NTSR1: variants seen among roughly 807,000 people sequenced by gnomAD.
The protein encoded by NTSR1 is neurotensin receptor 1.
NTSR1 carries 29 observed loss-of-function variants against 31.2 expected under a neutral mutation model. The observed-to-expected ratio is 0.93, with a 90% CI of 0.69 to 1.27. The LOEUF (loss-of-function observed/expected upper bound fraction) is 1.27, where lower values mean the gene tolerates loss of function less well. Ranked by LOEUF, NTSR1 falls within the 50% of genes most tolerant of loss-of-function variation. The pLI, the probability that NTSR1 is intolerant of heterozygous loss-of-function variation, is 0.00. For missense variants in NTSR1, 697 were observed against 595.4 expected (o/e 1.17, Z -1.78); for synonymous variants, 282 against 269.9 (o/e 1.04, Z -0.44).
At chr20:62,757,294 C>T (rs953034296) in intron 2 of NTSR1, among the ~76,000 whole-genome samples, 1 of 152,130 alleles carries the variant, frequency 6.6e-6, no homozygotes, top group Non-Finnish European at 1.5e-5. Context: ...GTGGATGTCC[C>T]GTTTTCCTAA....
chr20:62,729,117 C>A (rs1323665223), intron 1 of NTSR1, among the ~76,000 whole-genome samples: 1 of 152,252 alleles, frequency 6.6e-6, no homozygotes, highest in South Asian at 2.1e-4. Context: ...GACACACTTA[C>A]TCACGGCATG....
chr20:62,716,822 G>A (rs557420539), intron 1 of NTSR1, among the ~76,000 whole-genome samples: 59 of 152,358 alleles, frequency 3.9e-4, no homozygotes, highest in African/African-American at 1.4e-3. Context: ...GCTCTGCAAG[G>A]GGGGCACGGA....
At position 62,749,257 on chromosome 20, in the gene NTSR1, C is replaced by T. The variant is rs1441996339; in HGVS notation, c.715-5428C>T. Among the ~76,000 whole-genome samples, 9 of 152,110 alleles carry T rather than the reference C, an allele frequency of 5.9e-5. No homozygotes were observed. In the East Asian group the frequency reaches 7.8e-4, roughly 13 times the overall value. On this transcript the variant is annotated intron_variant, in intron 1 of 3. Transcript: ENST00000370501. ...GAGATCGAGACCATCCTGGCTAACA[C>T]GGTGAAACCCCGTCTCTACTAAAAA...
chr20:62,709,235 A>AC lies in NTSR1; in HGVS notation c.32dup (p.Thr13HisfsTer320), dbSNP rs779602162. On this transcript the variant is annotated frameshift_variant, in exon 1 of 4. Coordinates refer to ENST00000370501, the MANE Select transcript of NTSR1 (RefSeq NM_002531.3). LOFTEE classifies it high-confidence loss of function. Reference sequence around the variant, plus strand: ...GCGCCTCAACAGCTCCGCGCCGGGAACCCCGGGCACGCCGGCCGCCGACCC... The same window carrying AC: ...GCGCCTCAACAGCTCCGCGCCGGGAACCCCCGGGCACGCCGGCCGCCGACCC... 8 of 1,495,918 alleles carry AC rather than the reference A, an allele frequency of 5.3e-6. No homozygotes were observed. In the East Asian group the frequency reaches 1.5e-4, roughly 28 times the overall value. 92.7% of individuals were successfully genotyped at this position (1,495,918 alleles called of 1,614,324 possible). A position where few individuals can be genotyped will look rare whatever the true frequency, so the allele number is the denominator to read the frequency against.
chr20:62,749,052 A>C (rs1046734765), intron 1 of NTSR1, among the ~76,000 whole-genome samples: 4 of 152,216 alleles, frequency 2.6e-5, no homozygotes, highest in African/African-American at 9.7e-5. Context: ...CATAAGCAAC[A>C]TAAAATGGAC....
intron 3 of NTSR1, 110 bp from the exon 4 acceptor site, chr20:62,759,908 A>T: frequency 1.9e-6 from 2 of 1,054,030 alleles, no homozygotes; most frequent in Non-Finnish European, 2.8e-6. Context: ...GGGTGTTTTA[A>T]TTAGCGTCTG....
intron 1 of NTSR1, among the ~76,000 whole-genome samples, chr20:62,746,209 C>T (rs116915649): frequency 5.9e-5 from 9 of 152,162 alleles, no homozygotes; most frequent in Non-Finnish European, 1.0e-4. Context: ...GTTCTCACCC[C>T]CTGAGTTCTC....
At chr20:62,734,074 G>A (rs956576761) in intron 1 of NTSR1, among the ~76,000 whole-genome samples, 3 of 152,048 alleles carry the variant, frequency 2.0e-5, no homozygotes, top group Non-Finnish European at 4.4e-5. Flanking sequence ...TGGGGCCGGC[G>A]GCAGGTTTGC....
rs751701747 is a variant in NTSR1, at chr20:62,758,329, G to C, written c.980G>C (p.Cys327Ser). The C allele has an allele frequency of 4.3e-6, 7 of 1,613,666 alleles. No individual in the cohort carries two copies. Among genetic ancestry groups the C allele is most frequent in the Admixed American group, 1.7e-5 (1 of 60,000 alleles). Residue 327 changes from cysteine (C) to serine (S), a missense_variant, in exon 3 of 4, where the codon TGC becomes TCC. Transcript: ENST00000370501. The surrounding 1 kb of genome is among the most constrained non-coding windows in gnomAD (Gnocchi z 4.5). Reference protein sequence around the residue: ...LPYHVRRLMFCYISDEQWTPF... With the variant: ...LPYHVRRLMFSYISDEQWTPF... ...TACCACGTGCGGCGCCTCATGTTCT[G>C]CTACATCTCGGATGAGCAGTGGACT...
rs1462329134 is a variant in NTSR1, at chr20:62,715,683, A to G, written c.714+5762A>G. ...ACTGACAGCATTCTGAGGATGTTCA[A>G]CTCCAAGGACAAATGGGGTCCTGGG... On this transcript the variant is annotated intron_variant, in intron 1 of 3. Transcript: ENST00000370501. The surrounding 1 kb of genome is among the most constrained non-coding windows in gnomAD (Gnocchi z 4.7). Among the ~76,000 whole-genome samples the G allele has an allele frequency of 6.6e-6, 1 of 152,066 alleles. No homozygotes were observed. Among genetic ancestry groups the G allele is most frequent in the East Asian group, 1.9e-4 (1 of 5,170 alleles).
rs1189100312 is a variant in NTSR1 at position 62,709,231 on chromosome 20, G to C, written c.24G>C (p.Pro8=). 18 of 1,490,294 alleles carry C rather than the reference G, an allele frequency of 1.2e-5. No individual in the cohort carries two copies. Among genetic ancestry groups the C allele is most frequent in the African/African-American group, 5.7e-5 (4 of 70,480 alleles). 92.3% of individuals were successfully genotyped at this position (1,490,294 alleles called of 1,614,324 possible). A position where few individuals can be genotyped will look rare whatever the true frequency, so the allele number is the denominator to read the frequency against. ...CCATGCGCCTCAACAGCTCCGCGCC[G>C]GGAACCCCGGGCACGCCGGCCGCCG... The part of the protein sequence containing the change: MRLNSSA[P]GTPGTPAADP... The change falls in exon 1 of 4, where the codon CCG becomes CCC. Residue 8 remains proline (P), a synonymous_variant. Transcript: ENST00000370501.
rs915596792 is a variant in NTSR1 at position 62,715,183 on chromosome 20, A to G, written c.714+5262A>G. 1.3e-5 allele frequency among the ~76,000 whole-genome samples: 2 copies of G among 152,174 alleles called. No individual in the cohort carries two copies. Among genetic ancestry groups the G allele is most frequent in the African/African-American group, 4.8e-5 (2 of 41,436 alleles). Reference sequence around the variant, plus strand: ...GGAAATAAAGAATTTGGCGTATGAAATCACCGTTCAGATGGTGACTCTGAG... The same window carrying G: ...GGAAATAAAGAATTTGGCGTATGAAGTCACCGTTCAGATGGTGACTCTGAG... On this transcript the variant is annotated intron_variant, in intron 1 of 3. Transcript: ENST00000370501. This position sits in a 1 kb window ranked among gnomAD's most constrained non-coding sequence, Gnocchi z 4.7.
chr20:62,721,906 G>A (rs1988832319), intron 1 of NTSR1, among the ~76,000 whole-genome samples: 1 of 152,154 alleles, frequency 6.6e-6, no homozygotes. Context: ...CCTCTGAGTG[G>A]ACTCTGAGTG....
intron 1 of NTSR1, among the ~76,000 whole-genome samples, chr20:62,734,275 C>G (rs1464612641): frequency 6.7e-6 from 1 of 150,278 alleles, no homozygotes; most frequent in African/African-American, 2.5e-5. Flanking sequence ...CTGGAGCCTT[C>G]TCTGGAGTGT....
chr20:62,755,156 CCCTT>C (rs1448153483), intron 2 of NTSR1, among the ~76,000 whole-genome samples: 1 of 139,664 alleles, frequency 7.2e-6, no homozygotes, highest in Non-Finnish European at 1.6e-5. Context: ...ATCCATCCAT[CCCTT>C]CCTCCTTCTA....
chr20:62,752,334 C>CAAA, intron 1 of NTSR1, among the ~76,000 whole-genome samples: 1 of 152,320 alleles, frequency 6.6e-6, no homozygotes, highest in Non-Finnish European at 1.5e-5. Flanking sequence ...GAAAGGACGG[C>CAAA]GCAAGCCAAA....
rs1262573325 is a variant in NTSR1, at chr20:62,758,707, C to T, written c.1007+351C>T. ...GGCAGCTGTCAGAGCCCCAAGGCCA[C>T]CCAGGTTGGACCCACAGGGCTCAGC... On this transcript the variant is annotated intron_variant, in intron 3 of 3. Transcript: ENST00000370501. The surrounding 1 kb of genome is among the most constrained non-coding windows in gnomAD (Gnocchi z 4.5). 6.6e-6 allele frequency among the ~76,000 whole-genome samples: 1 copy of T among 152,152 alleles called. No homozygotes were observed. Among genetic ancestry groups the T allele is most frequent in the African/African-American group, 2.4e-5 (1 of 41,410 alleles).
At chr20:62,727,775 G>A (rs1050452880) in intron 1 of NTSR1, among the ~76,000 whole-genome samples, 1 of 152,282 alleles carries the variant, frequency 6.6e-6, no homozygotes, top group Non-Finnish European at 1.5e-5. Context: ...CCTCAGAACT[G>A]CACAGCAGCG....
Position 62,762,457 on chromosome 20 carries a change from CT to C in NTSR1, c.*2194del, listed in dbSNP as rs3833339. ...GGTCTGTGGCTGTGACTGAAGTCGG[CT>C]TTTCCCGTTGATGTCTTGATGCTCC... On this transcript the variant is annotated 3_prime_UTR_variant, in exon 4 of 4. Transcript: ENST00000370501. 0.67 allele frequency: 102,162 copies of C among 151,814 alleles called. 40,405 individuals carry two copies. The highest frequency in any genetic ancestry group is 0.87 in the Non-Finnish European group (59,146 of 67,974). 9.4% of individuals were successfully genotyped at this position (151,814 alleles called of 1,614,324 possible).
Sources: gnomAD v4.1 joint callset for allele counts (sites outside exome capture counted in the v4.1 genomes callset) on GRCh38, gnomAD v4.1.1 for gene constraint, Gnocchi (gnomAD v3.1) non-coding constraint, MANE v1.5 for transcripts, NCBI Gene and HGNC (gene_info 2026-07-23, HGNC 2026-07-21) for gene names.